Variants in PDE4B observed in about 807,000 individuals in gnomAD.
PDE4B encodes 3',5'-cyclic-AMP phosphodiesterase 4B.
In PDE4B, 20 loss-of-function variants were observed where a neutral mutation model predicts 82.2. That is an observed-to-expected ratio of 0.24 (90% CI 0.17 to 0.35). The LOEUF (loss-of-function observed/expected upper bound fraction) is 0.35. Ranked by LOEUF, PDE4B falls within the 10% of genes least tolerant of loss-of-function variation. PDE4B has a pLI of 1.00. For synonymous variants in PDE4B, 320 were observed against 318.9 expected (o/e 1.00, Z -0.04); for missense variants, 655 against 907.2 (o/e 0.72, Z 3.57).
chr1:65,892,592 C>A (rs1260476395), intron 1 of PDE4B, among the ~76,000 whole-genome samples: 12 of 152,038 alleles, frequency 7.9e-5, no homozygotes, highest in Non-Finnish European at 2.9e-5. Context: ...TCTGTACCCA[C>A]CCTAACCCCA....
intron 3 of PDE4B, among the ~76,000 whole-genome samples, chr1:65,998,704 A>G (rs1189129580): frequency 6.6e-6 from 1 of 152,178 alleles, no homozygotes; most frequent in African/African-American, 2.4e-5. Flanking sequence ...CACTTACACC[A>G]TGATGCTGTA....
chr1:65,885,851 A>C (rs1646768523), intron 1 of PDE4B, among the ~76,000 whole-genome samples: 1 of 142,642 alleles, frequency 7.0e-6, no homozygotes, highest in Non-Finnish European at 1.5e-5. Context: ...CCTAAAACTT[A>C]ACGTATAATA....
intron 3 of PDE4B, among the ~76,000 whole-genome samples, chr1:66,201,041 A>C (rs1648884005): frequency 1.3e-5 from 2 of 152,148 alleles, no homozygotes; most frequent in Non-Finnish European, 2.9e-5. Flanking sequence ...ATTTATTGAG[A>C]GTTTTTGGAA....
At chr1:66,217,922 T>G (rs537071719) in intron 3 of PDE4B, among the ~76,000 whole-genome samples, 1 of 152,204 alleles carries the variant, frequency 6.6e-6, no homozygotes, top group East Asian at 1.9e-4. Context: ...TGGTGAGAAT[T>G]TTGATAGGCA....
At position 66,129,697 on chromosome 1, in the gene PDE4B, C is replaced by CA. The variant is rs66704627; in HGVS notation, c.282-117752dup. On this transcript the variant is annotated intron_variant, in intron 3 of 16. Coordinates refer to ENST00000341517, the MANE Select transcript of PDE4B (RefSeq NM_002600.4). The stretch of plus-strand genomic sequence containing the variant: ...ACAAAAAAACAAAAAAACAAAAAAA[C>CA]AAAAAAAAAAACCTCTCTGTAAAAT... Among the ~76,000 whole-genome samples the CA allele has an allele frequency of 4.6e-4, 60 of 130,510 alleles. No individual in the cohort carries two copies. The South Asian group carries it at 4.6e-3, about 10-fold the overall frequency. 85.6% of individuals were successfully genotyped at this position (130,510 alleles called of 152,430 possible).
chr1:66,049,170 C>G (rs1254897996), intron 3 of PDE4B, among the ~76,000 whole-genome samples: 1 of 151,912 alleles, frequency 6.6e-6, no homozygotes, highest in Non-Finnish European at 1.5e-5. Context: ...AACCTGAATC[C>G]TAATCATGAC....
At chr1:66,275,089 C>A (rs1446939725) in intron 7 of PDE4B, among the ~76,000 whole-genome samples, 1 of 152,140 alleles carries the variant, frequency 6.6e-6, no homozygotes, top group African/African-American at 2.4e-5. Flanking sequence ...TAAAGGGACA[C>A]CCCTAAATAC....
intron 1 of PDE4B, among the ~76,000 whole-genome samples, chr1:65,816,117 A>G (rs1234326832): frequency 2.0e-5 from 3 of 151,246 alleles, no homozygotes; most frequent in African/African-American, 4.9e-5. Flanking sequence ...TTTTCTGATC[A>G]GCCTAAACAT....
In PDE4B at chr1:65,885,792, A is replaced by G. The variant is rs1034564729; in HGVS notation, c.-70-27453A>G. On this transcript the variant is annotated intron_variant, in intron 1 of 16. Transcript: ENST00000341517. ...GAGTTAATGGGTGCAGCACACCAAC[A>G]TGGCACATGTATACATATGTAACAA... Among the ~76,000 whole-genome samples, 36 of 151,712 alleles carry G rather than the reference A, an allele frequency of 2.4e-4. 1 individual carries two copies. The highest frequency in any genetic ancestry group is 2.3e-3 in the Admixed American group (35 of 15,186).
intron 3 of PDE4B, among the ~76,000 whole-genome samples, chr1:65,930,871 T>C (rs565507691): frequency 6.6e-6 from 1 of 152,282 alleles, no homozygotes; most frequent in African/African-American, 2.4e-5. Context: ...GGCATGATTG[T>C]ATTTTGCAGT....
At chr1:66,358,070 C>T (rs888484181) in intron 9 of PDE4B, among the ~76,000 whole-genome samples, 2 of 152,204 alleles carry the variant, frequency 1.3e-5, no homozygotes, top group Non-Finnish European at 2.9e-5. Context: ...TCTTCATAAA[C>T]TTTCTGATCT....
At chr1:66,233,027 G>T (rs894928856) in intron 3 of PDE4B, among the ~76,000 whole-genome samples, 2 of 152,094 alleles carry the variant, frequency 1.3e-5, no homozygotes, top group Non-Finnish European at 2.9e-5. Context: ...TTCTTAAAGT[G>T]TACAATTCAG....
intron 3 of PDE4B, among the ~76,000 whole-genome samples, chr1:66,236,895 T>C (rs1463364378): frequency 6.6e-6 from 1 of 152,216 alleles, no homozygotes; most frequent in Non-Finnish European, 1.5e-5. Context: ...AGCTAAGTGG[T>C]TGTCAGCAAG....
intron 8 of PDE4B, among the ~76,000 whole-genome samples, chr1:66,348,863 G>T (rs1661609634): frequency 6.6e-6 from 1 of 151,954 alleles, no homozygotes; most frequent in Admixed American, 6.6e-5. Context: ...AGTATCTTTT[G>T]TCCATTTGAT....
intron 3 of PDE4B, among the ~76,000 whole-genome samples, chr1:66,189,206 G>A (rs896126663): frequency 6.6e-6 from 1 of 152,082 alleles, no homozygotes. Flanking sequence ...GAGATCAGCT[G>A]TTAGTCTGAT....
At chr1:66,056,114 AT>A (rs1181707321) in intron 3 of PDE4B, among the ~76,000 whole-genome samples, 1 of 152,160 alleles carries the variant, frequency 6.6e-6, no homozygotes, top group Admixed American at 6.6e-5. Context: ...CTTTTTTTAA[AT>A]TTACTTATTG....
intron 3 of PDE4B, among the ~76,000 whole-genome samples, chr1:66,080,382 C>A (rs951463297): frequency 6.6e-6 from 1 of 152,038 alleles, no homozygotes; most frequent in Non-Finnish European, 1.5e-5. Context: ...ATATTGTTAT[C>A]TTTTTACCAA....
intron 1 of PDE4B, among the ~76,000 whole-genome samples, chr1:65,839,574 C>T (rs1426277240): frequency 6.6e-6 from 1 of 152,132 alleles, no homozygotes; most frequent in African/African-American, 2.4e-5. Flanking sequence ...CCAGTTTCAT[C>T]CGTGTCCCTG....
intron 3 of PDE4B, among the ~76,000 whole-genome samples, chr1:66,214,839 G>A (rs569406819): frequency 1.3e-5 from 2 of 152,178 alleles, no homozygotes; most frequent in East Asian, 3.9e-4. Flanking sequence ...ATCTTGACTG[G>A]CAACAGCAGC....
Sources: gnomAD v4.1 joint callset for allele counts (sites outside exome capture counted in the v4.1 genomes callset) on GRCh38, gnomAD v4.1.1 for gene constraint, MANE v1.5 for transcripts, NCBI Gene and HGNC (gene_info 2026-07-23, HGNC 2026-07-21) for gene names.